FCHO2: variants seen among roughly 807,000 people sequenced by gnomAD.
FCHO2 encodes the protein F-BAR domain only protein 2.
A neutral mutation model predicts 114.1 loss-of-function variants in FCHO2; 43 were observed. The observed-to-expected ratio is 0.38, with a 90% CI of 0.30 to 0.49. The LOEUF (loss-of-function observed/expected upper bound fraction) is 0.49. Among genes scored for constraint, FCHO2 ranks in the 20% least tolerant of loss-of-function variants. The pLI, the probability that FCHO2 is intolerant of heterozygous loss-of-function variation, is 0.97. For synonymous variants in FCHO2, 293 were observed against 315.2 expected (o/e 0.93, Z 0.75); for missense variants, 807 against 950.4 (o/e 0.85, Z 1.98).
Position 73,006,473 on chromosome 5 carries a change from A to G in FCHO2, c.524A>G (p.Asp175Gly), listed in dbSNP as rs763432765. The change falls in exon 6 of 26, where the codon GAT becomes GGT. Residue 175 changes from aspartate (D) to glycine (G), a missense_variant. Asp to Gly is a moderately conservative substitution (Grantham distance 94, BLOSUM62 -1). Transcript: ENST00000430046. ...GCTGTTAAATCTAAGAAAGCTACAG[A>G]TACCTATAAACTCTATGTGGAAAAA... The part of the protein sequence containing the change: ...KAAVKSKKAT[D>G]TYKLYVEKYA... 1.3e-6 allele frequency: 2 copies of G among 1,553,526 alleles called. No homozygotes were observed. Among genetic ancestry groups the G allele is most frequent in the South Asian group, 1.3e-5 (1 of 77,642 alleles).
chr5:73,079,082 G>A (rs968766535), intron 22 of FCHO2, among the ~76,000 whole-genome samples: 3 of 152,114 alleles, frequency 2.0e-5, no homozygotes, highest in Non-Finnish European at 2.9e-5. Flanking sequence ...GAAGAATAAA[G>A]CTTACAAGAA....
intron 5 of FCHO2, among the ~76,000 whole-genome samples, chr5:73,001,467 A>G (rs1754433272): frequency 6.6e-6 from 1 of 151,584 alleles, no homozygotes; most frequent in East Asian, 1.9e-4. Context: ...AAAAAAAAAA[A>G]AAAAGAAATG....
chr5:73,020,700 G>T, intron 8 of FCHO2: 1 of 1,213,370 alleles, frequency 8.2e-7, no homozygotes, highest in Non-Finnish European at 1.2e-6. Context: ...CTGTCCTTTA[G>T]TGAAGAAATT....
chr5:73,049,706 C>T (rs1757252623), intron 11 of FCHO2, among the ~76,000 whole-genome samples: 1 of 152,104 alleles, frequency 6.6e-6, no homozygotes, highest in Non-Finnish European at 1.5e-5. Context: ...CAGAAAACCC[C>T]TTCTTGAAGC....
At chr5:73,061,978 G>A (rs1308732621) in intron 17 of FCHO2, among the ~76,000 whole-genome samples, 1 of 152,058 alleles carries the variant, frequency 6.6e-6, no homozygotes, top group Non-Finnish European at 1.5e-5. Flanking sequence ...TTCAGATAAA[G>A]AATGGTATGA....
At chr5:73,072,599 TATG>T (rs1381763764) in intron 19 of FCHO2, among the ~76,000 whole-genome samples, 1 of 152,088 alleles carries the variant, frequency 6.6e-6, no homozygotes, top group African/African-American at 2.4e-5. Flanking sequence ...TCTAACATGC[TATG>T]ATAACATGGA....
At chr5:73,052,221 C>A in intron 12 of FCHO2, 111 bp from the exon 13 acceptor site, 1 of 1,138,512 alleles carries the variant, frequency 8.8e-7, no homozygotes, top group Non-Finnish European at 1.2e-6. Flanking sequence ...TCGCACCCGG[C>A]CCAAAGTCTG....
At chr5:72,996,243 CAA>C (rs371371047) in intron 5 of FCHO2, among the ~76,000 whole-genome samples, 6 of 110,954 alleles carry the variant, frequency 5.4e-5, no homozygotes, top group South Asian at 3.0e-4. Context: ...AACTCTGTCT[CAA>C]AAAAAAAAAA....
intron 10 of FCHO2, 120 bp from the exon 11 acceptor site, chr5:73,041,171 G>A: frequency 3.1e-6 from 2 of 652,300 alleles, no homozygotes; most frequent in Non-Finnish European, 5.3e-6. Flanking sequence ...TGATTTCTCT[G>A]AATATTTTTT....
intron 11 of FCHO2, among the ~76,000 whole-genome samples, chr5:73,047,983 T>G (rs1188544420): frequency 6.6e-6 from 1 of 151,998 alleles, no homozygotes; most frequent in Non-Finnish European, 1.5e-5. Flanking sequence ...TGCAGGTGCA[T>G]GCCTCCATGC....
chr5:72,990,744 T>A lies in FCHO2; in HGVS notation c.375T>A (p.Ala125=), dbSNP rs756313372. The A allele has an allele frequency of 5.8e-6, 9 of 1,557,538 alleles. No homozygotes were observed. In the African/African-American group the frequency reaches 6.8e-5, roughly 12 times the overall value. The change falls in exon 5 of 26, where the codon GCT becomes GCA. Residue 125 remains alanine, a synonymous_variant. Transcript: ENST00000430046. ...TKEEVAGTLE[A]VQTIQSITQA... is the part of the protein sequence containing the mutation. ...AAGAAGTTGCAGGAACTCTGGAAGC[T>A]GTCCAAACCATTCAGAGCATAACTC...
chr5:73,050,645 A>G (rs1443717833), intron 11 of FCHO2, among the ~76,000 whole-genome samples: 1 of 152,076 alleles, frequency 6.6e-6, no homozygotes, highest in East Asian at 1.9e-4. Context: ...TGGCAAGACT[A>G]AGTGGTTTGT....
At chr5:73,083,853 C>CCTGCTCT (rs1743204528) in intron 24 of FCHO2, among the ~76,000 whole-genome samples, 1 of 150,092 alleles carries the variant, frequency 6.7e-6, no homozygotes, top group Non-Finnish European at 1.5e-5. Context: ...AGATGGTGCC[C>CCTGCTCT]CTGCTCTCCA....
chr5:73,015,462 C>A (rs947399247), intron 6 of FCHO2, among the ~76,000 whole-genome samples, 164 bp from the exon 7 acceptor site: 1 of 151,970 alleles, frequency 6.6e-6, no homozygotes, highest in African/African-American at 2.4e-5. Context: ...AGGGTTTCAC[C>A]ATGTTGGCCA....
intron 5 of FCHO2, among the ~76,000 whole-genome samples, chr5:72,999,247 G>T (rs1754294595): frequency 2.0e-5 from 3 of 151,710 alleles, no homozygotes; most frequent in African/African-American, 7.3e-5. Context: ...CTATCGTAAG[G>T]TTTTTATTAA....
chr5:73,058,198 T>C (rs1181124865), intron 16 of FCHO2, among the ~76,000 whole-genome samples: 1 of 151,860 alleles, frequency 6.6e-6, no homozygotes, highest in Non-Finnish European at 1.5e-5. Flanking sequence ...TTTGTGTATA[T>C]TGGGTCTTGC....
chr5:73,006,995 T>C (rs530213994), intron 6 of FCHO2, among the ~76,000 whole-genome samples: 1 of 152,346 alleles, frequency 6.6e-6, no homozygotes, highest in Admixed American at 6.5e-5. Flanking sequence ...TGTAGTGTTC[T>C]TAGAACCTTA....
chr5:73,082,495 A>T (rs1248940034), intron 23 of FCHO2, among the ~76,000 whole-genome samples: 1 of 152,280 alleles, frequency 6.6e-6, no homozygotes, highest in East Asian at 1.9e-4. Context: ...GAAGGTACTG[A>T]TCCCTATACA....
At chr5:73,010,875 CAAAAAAAAAAAAA>C (rs57820498) in intron 6 of FCHO2, among the ~76,000 whole-genome samples, 683 of 25,752 alleles carry the variant, frequency 0.027, 9 homozygotes, top group African/African-American at 0.078. Flanking sequence ...GACTCTGTCT[CAAAAAAAAAAAAA>C]AAAAAAAAAA....
Sources: gnomAD v4.1 joint callset for allele counts (sites outside exome capture counted in the v4.1 genomes callset) on GRCh38, gnomAD v4.1.1 for gene constraint, MANE v1.5 for transcripts, NCBI Gene and HGNC (gene_info 2026-07-23, HGNC 2026-07-21) for gene names.